Variants in ASH2L observed in about 807,000 individuals in gnomAD.
The protein encoded by ASH2L is set1/Ash2 histone methyltransferase complex subunit ASH2.
ASH2L carries 30 observed loss-of-function variants against 81.1 expected under a neutral mutation model. The observed-to-expected ratio is 0.37, with a 90% confidence interval of 0.28 to 0.50. The LOEUF is 0.50. ASH2L is among the 20% of genes least tolerant of loss of function. The pLI, the probability that ASH2L is intolerant of heterozygous loss-of-function variation, is 0.95. For synonymous variants in ASH2L, 273 were observed against 279.9 expected (o/e 0.98, Z 0.24); for missense variants, 559 against 792.1 (o/e 0.71, Z 3.53).
chr8:38,136,020 A>G (rs1384464453), intron 14 of ASH2L, among the ~76,000 whole-genome samples: 2 of 151,570 alleles, frequency 1.3e-5, no homozygotes, highest in African/African-American at 4.8e-5. Flanking sequence ...ACCGTTCAGT[A>G]GGAAGGATAT....
At chr8:38,116,604 G>T in intron 7 of ASH2L, 46 bp from the exon 8 acceptor site, 2 of 1,437,810 alleles carry the variant, frequency 1.4e-6, no homozygotes, top group South Asian at 2.4e-5. Flanking sequence ...CATCCAGATT[G>T]ACTGACTTAC....
At chr8:38,106,218 G>C in intron 1 of ASH2L, 160 bp from the exon 2 acceptor site, 1 of 1,422,500 alleles carries the variant, frequency 7.0e-7, no homozygotes, top group Non-Finnish European at 9.7e-7. Flanking sequence ...CACCTTCTCA[G>C]TATCCTGACA....
chr8:38,131,624 C>T (rs1407529492), intron 12 of ASH2L, among the ~76,000 whole-genome samples: 6 of 151,880 alleles, frequency 4.0e-5, no homozygotes, highest in African/African-American at 1.5e-4. Context: ...CCAGACTGGG[C>T]GACAGAGAGC....
In ASH2L at chr8:38,105,567, C is replaced by T. The variant is rs1585557628; in HGVS notation, c.17C>T (p.Ala6Val). Residue 6 changes from alanine (A) to valine (V), a missense_variant, in exon 1 of 16, where the codon GCA becomes GTA. By Grantham distance (64) the Ala-to-Val change is moderately conservative (BLOSUM62 0). Coordinates refer to ENST00000343823, the MANE Select transcript of ASH2L (RefSeq NM_004674.5). MAAAG[A>V]GPGQEAGAGP... ...GTGGCCGTGATGGCGGCGGCAGGAG[C>T]AGGACCTGGCCAGGAAGCGGGTGCC... is the stretch of plus-strand genomic sequence containing the variant. The T allele has an allele frequency of 1.9e-6, 3 of 1,576,626 alleles. No homozygotes were observed. Among genetic ancestry groups the T allele is most frequent in the African/African-American group, 1.4e-5 (1 of 73,510 alleles).
At chr8:38,134,572 A>AG (rs1156546711) in intron 13 of ASH2L, among the ~76,000 whole-genome samples, 1 of 152,222 alleles carries the variant, frequency 6.6e-6, no homozygotes, top group Non-Finnish European at 1.5e-5. Context: ...GCACAGTCAG[A>AG]GAAAGGCTGG....
At chr8:38,130,227 C>CTT (rs71216650) in intron 12 of ASH2L, among the ~76,000 whole-genome samples, 224 of 86,224 alleles carry the variant, frequency 2.6e-3, no homozygotes, top group African/African-American at 9.6e-3. Context: ...CTTCTCTGTT[C>CTT]TTTTTTTTTT....
chr8:38,120,968 T>C lies in ASH2L; in HGVS notation c.984T>C (p.His328=), dbSNP rs774380015. ...TTTCTGCTCAGCGCCTTCCCCCTCA[T>C]GGCTACCCATTGGAACACCCGTTTA... ...PLFSAQRLPP[H]GYPLEHPFNK... Residue 328 remains histidine, a synonymous_variant, in exon 10 of 16, where the codon CAT becomes CAC. Coordinates refer to ENST00000343823, the MANE Select transcript of ASH2L (RefSeq NM_004674.5). 6 of 1,613,708 alleles carry C rather than the reference T, an allele frequency of 3.7e-6. No individual in the cohort carries two copies. The South Asian group carries it at 6.6e-5, about 18-fold the overall frequency.
At chr8:38,106,674 CTTTT>C (rs1008717475) in intron 2 of ASH2L, among the ~76,000 whole-genome samples, 1 of 151,274 alleles carries the variant, frequency 6.6e-6, no homozygotes, top group African/African-American at 2.4e-5. Context: ...CACCTGGCTT[CTTTT>C]TTTTGTCTTT....
At chr8:38,135,579 G>A in intron 13 of ASH2L, 89 bp from the exon 14 acceptor site, 1 of 872,812 alleles carries the variant, frequency 1.1e-6, no homozygotes, top group Non-Finnish European at 1.8e-6. Flanking sequence ...CAGTCTGGCA[G>A]CAGCACTTCT....
intron 12 of ASH2L, among the ~76,000 whole-genome samples, chr8:38,133,041 C>T (rs1802120594): frequency 6.6e-6 from 1 of 151,190 alleles, no homozygotes; most frequent in Non-Finnish European, 1.5e-5. Context: ...GAGAAGAGAT[C>T]ACACCATTGC....
intron 8 of ASH2L, among the ~76,000 whole-genome samples, chr8:38,117,134 C>T (rs1275127455): frequency 1.3e-5 from 2 of 152,218 alleles, no homozygotes; most frequent in African/African-American, 4.8e-5. Flanking sequence ...AGCTCATTCA[C>T]ATGATAGCAT....
chr8:38,124,122 T>C (rs1359997373), intron 10 of ASH2L: 1 of 152,182 alleles, frequency 6.6e-6, no homozygotes, highest in Non-Finnish European at 1.5e-5. Flanking sequence ...ATAACACGTG[T>C]GAGCCACTGC....
rs397801579 is a variant in ASH2L, at chr8:38,136,389, T to TTA, written c.1719+623_1719+624insTA. ...ACATCTGGCAAGTTTTTTTTTTTTT[T>TTA]AAATATGATCCAAACATGAAGAAGG... On this transcript the variant is annotated intron_variant, in intron 14 of 15. Coordinates refer to ENST00000343823, the MANE Select transcript of ASH2L (RefSeq NM_004674.5). Among the ~76,000 whole-genome samples the TTA allele has an allele frequency of 4.5e-4, 68 of 150,462 alleles. 1 individual carries two copies. In the East Asian group the frequency reaches 5.3e-3, roughly 12 times the overall value.
chr8:38,131,366 A>C (rs1802052261), intron 12 of ASH2L, among the ~76,000 whole-genome samples: 1 of 152,144 alleles, frequency 6.6e-6, no homozygotes, highest in South Asian at 2.1e-4. Flanking sequence ...AAAAAAAAAA[A>C]CAAATTTTTT....
chr8:38,123,838 TTTTG>T (rs1370344216), intron 10 of ASH2L, among the ~76,000 whole-genome samples: 6 of 152,166 alleles, frequency 3.9e-5, no homozygotes, highest in African/African-American at 1.2e-4. Context: ...TATCTCCCTT[TTTTG>T]TTTGTCTGTT....
intron 6 of ASH2L, 190 bp from the exon 7 acceptor site, chr8:38,114,715 G>C (rs1810822326): frequency 1.8e-6 from 1 of 554,342 alleles, no homozygotes; most frequent in African/African-American, 1.9e-5. Context: ...TGAAAAACTT[G>C]GGCACTCTTT....
intron 10 of ASH2L, among the ~76,000 whole-genome samples, chr8:38,127,995 G>C (rs1204348848): frequency 6.6e-6 from 1 of 151,046 alleles, no homozygotes; most frequent in East Asian, 1.9e-4. Flanking sequence ...GCAGTGAGCC[G>C]AGATTGCACC....
chr8:38,130,037 A>G (rs1801994962), intron 12 of ASH2L, among the ~76,000 whole-genome samples: 1 of 152,092 alleles, frequency 6.6e-6, no homozygotes, highest in African/African-American at 2.4e-5. Context: ...GACATTTATG[A>G]TTGTCTGTCA....
chr8:38,133,352 G>A (rs1802134649), intron 12 of ASH2L, 102 bp from the exon 13 acceptor site: 8 of 752,474 alleles, frequency 1.1e-5, no homozygotes, highest in Admixed American at 5.3e-5. Context: ...AATATCTGTT[G>A]TAGAGCTCAA....
Sources: allele counts gnomAD v4.1 joint callset (sites outside exome capture counted in the v4.1 genomes callset), GRCh38; gene constraint gnomAD v4.1.1; transcripts MANE v1.5; gene names NCBI Gene and HGNC (gene_info 2026-07-23, HGNC 2026-07-21).